Variants in FKBP9 observed in about 807,000 individuals in gnomAD.
The protein encoded by FKBP9 is peptidyl-prolyl cis-trans isomerase FKBP9.
In FKBP9, 27 loss-of-function variants were observed where a neutral mutation model predicts 55.6. The observed-to-expected ratio is 0.49, with a 90% CI of 0.36 to 0.67. The LOEUF (loss-of-function observed/expected upper bound fraction) is 0.67, where lower values mean the gene tolerates loss of function less well. Among genes scored for constraint, FKBP9 ranks in the 30% least tolerant of loss-of-function variants. The pLI, the probability that FKBP9 is intolerant of heterozygous loss-of-function variation, is 0.00. For synonymous variants in FKBP9, 267 were observed against 296.5 expected, an observed-to-expected ratio of 0.90 and a Z score of 1.02; for missense variants, 539 against 742.8, an observed-to-expected ratio of 0.73 and a Z score of 3.19.
At chr7:33,005,102 C>T in intron 9 of FKBP9, 73 bp from the exon 10 acceptor site, 2 of 1,567,148 alleles carry the variant, frequency 1.3e-6, no homozygotes, top group South Asian at 1.2e-5. Flanking sequence ...CCCCAGACTG[C>T]TCTGTTTCTG....
At position 32,996,356 on chromosome 7, in the gene FKBP9, G is replaced by A. The variant is rs759029002; in HGVS notation, c.1226+7G>A. 43 of 1,608,878 alleles carry A rather than the reference G, an allele frequency of 2.7e-5. No individual in the cohort carries two copies. The highest frequency in any genetic ancestry group is 3.5e-5 in the Non-Finnish European group (41 of 1,176,152). On this transcript the variant is annotated splice_region_variant and intron_variant, in intron 7 of 9. Transcript: ENST00000242209. ...GGACCCTGCTGGACTCCACGTAAGG[G>A]CAACCAGAATGGTGTGGGAGTGAGC...
intron 6 of FKBP9, among the ~76,000 whole-genome samples, chr7:32,990,430 A>G (rs879537755): frequency 3.1e-4 from 47 of 152,184 alleles, no homozygotes; most frequent in Non-Finnish European, 6.2e-4. Context: ...TCTGCCTTCC[A>G]GAATTAGGGG....
rs1475137335 is a variant in FKBP9, at chr7:32,984,006, T to C, written c.893+3453T>C. On this transcript the variant is annotated intron_variant, in intron 5 of 9. Coordinates refer to ENST00000242209, the MANE Select transcript of FKBP9 (RefSeq NM_007270.5). ...AAAACATTTTCCTCAATTTATTTGT[T>C]TGTTAATTTTGGTTATGTTGATTTT... 3.9e-5 allele frequency among the ~76,000 whole-genome samples: 6 copies of C among 152,352 alleles called. No individual in the cohort carries two copies. In the East Asian group the frequency reaches 1.2e-3, roughly 29 times the overall value.
chr7:32,995,886 A>G lies in FKBP9; in HGVS notation c.1040-277A>G, dbSNP rs546234548. ...TCAGGCTCAACGATTCCATGGGGCA[A>G]TAGTCCATAGTCTTGAATTTTAGTC... is the stretch of plus-strand genomic sequence containing the variant. On this transcript the variant is annotated intron_variant, in intron 6 of 9. Transcript: ENST00000242209. Among the ~76,000 whole-genome samples, 520 of 152,272 alleles carry G rather than the reference A, an allele frequency of 3.4e-3. 2 individuals carry two copies. The highest frequency in any genetic ancestry group is 0.012 in the African/African-American group (494 of 41,542).
In FKBP9 at chr7:32,988,608, G is replaced by T. The variant is rs780746238; in HGVS notation, c.995G>T (p.Arg332Met). Residue 332 changes from arginine (R) to methionine (M), a missense_variant, in exon 6 of 10, where the codon AGG becomes ATG. Transcript: ENST00000242209. Reference sequence around the variant, plus strand: ...GGTGTTTGCATTGGAGAAAAGCGAAGGATTGTGGTCCCGCCTCACCTGGGG... The same window carrying T: ...GGTGTTTGCATTGGAGAAAAGCGAATGATTGTGGTCCCGCCTCACCTGGGG... ...LLGVCIGEKR[R>M]IVVPPHLGYG... 1.2e-6 allele frequency: 2 copies of T among 1,613,994 alleles called. No individual in the cohort carries two copies. Among genetic ancestry groups the T allele is most frequent in the East Asian group, 4.5e-5 (2 of 44,886 alleles).
At chr7:32,992,834 C>A (rs1237840605) in intron 6 of FKBP9, 1 of 229,014 alleles carries the variant, frequency 4.4e-6, no homozygotes, top group Non-Finnish European at 8.7e-6. Context: ...AAACTTCCTA[C>A]GCACACAGAG....
At chr7:32,967,400 C>A (rs184400933) in intron 1 of FKBP9, among the ~76,000 whole-genome samples, 1 of 152,140 alleles carries the variant, frequency 6.6e-6, no homozygotes, top group Admixed American at 6.6e-5. Context: ...CTTCCTTGTC[C>A]GCTGATAACA....
chr7:32,965,828 T>TATATATATATATGTGTACAC (rs1784129461), intron 1 of FKBP9, among the ~76,000 whole-genome samples: 2 of 35,052 alleles, frequency 5.7e-5, no homozygotes, highest in African/African-American at 2.1e-4. Context: ...TATATATATA[T>TATATATATATATGTGTACAC]ATATATATAT....
rs745717239 is a variant in FKBP9, at chr7:32,973,682, G to GTTTTTTTT, written c.222-916_222-909dup. ...AGAAAATGAAATGAAGTTTTTTGTT[G>GTTTTTTTT]TTTTTTTTTTTTTTTTTTTTTTTTT... On this transcript the variant is annotated intron_variant, in intron 1 of 9. Transcript: ENST00000242209. Among the ~76,000 whole-genome samples, 7 of 64,990 alleles carry GTTTTTTTT rather than the reference G, an allele frequency of 1.1e-4. 1 individual carries two copies. The highest frequency in any genetic ancestry group is 2.4e-4 in the Admixed American group (1 of 4,234). 42.6% of individuals were successfully genotyped at this position (64,990 alleles called of 152,430 possible). A position where few individuals can be genotyped will look rare whatever the true frequency, so the allele number is the denominator to read the frequency against.
At chr7:32,996,669 C>A in intron 7 of FKBP9, among the ~76,000 whole-genome samples, 1 of 133,880 alleles carries the variant, frequency 7.5e-6, no homozygotes, top group South Asian at 2.6e-4. Context: ...TTGCTCCCTC[C>A]CTCCCTCCCT....
Position 32,957,532 on chromosome 7 carries a change from C to G in FKBP9, c.-42C>G. The G allele has an allele frequency of 7.4e-7, 1 of 1,349,958 alleles. No individual in the cohort carries two copies. The highest frequency in any genetic ancestry group is 9.5e-7 in the Non-Finnish European group (1 of 1,050,636). The allele number at this position is 1,349,958 out of a possible 1,614,324, so 83.6% of individuals were successfully genotyped here. On this transcript the variant is annotated 5_prime_UTR_variant, in exon 1 of 10. Coordinates refer to ENST00000242209, the MANE Select transcript of FKBP9 (RefSeq NM_007270.5). ...AACGCCCAGGCCGACCCGTGCCGCC[C>G]GAGCGCCGCGCTGCGTCCGCGCCAC... is the stretch of plus-strand genomic sequence containing the variant.
intron 1 of FKBP9, among the ~76,000 whole-genome samples, chr7:32,970,377 A>G (rs1172550751): frequency 6.6e-6 from 1 of 151,918 alleles, no homozygotes; most frequent in African/African-American, 2.4e-5. Context: ...TTGTATTTTT[A>G]GTAGAGACAG....
In FKBP9 at chr7:32,996,333, A is replaced by C. The variant is rs774290863; in HGVS notation, c.1210A>C (p.Thr404Pro). The part of the protein sequence containing the change: ...YHYNASLLDG[T>P]LLDSTWNLGK... Reference sequence around the variant, plus strand: ...CTACAATGCCTCACTTCTGGATGGGACCCTGCTGGACTCCACGTAAGGGCA... The same window carrying C: ...CTACAATGCCTCACTTCTGGATGGGCCCCTGCTGGACTCCACGTAAGGGCA... Residue 404 changes from threonine (T) to proline (P), a missense_variant, in exon 7 of 10, where the codon ACC (threonine) becomes CCC (proline). Physicochemically the swap from Thr to Pro is conservative, Grantham distance 38. Around this residue, in one of 4 missense-constraint regions of FKBP9, gnomAD observed 172 missense variants for 205.3 expected, o/e 0.84. Transcript: ENST00000242209. The C allele has an allele frequency of 4.5e-5, 73 of 1,612,932 alleles. No homozygotes were observed. The highest frequency in any genetic ancestry group is 3.7e-5 in the Non-Finnish European group (44 of 1,179,332).
intron 7 of FKBP9, among the ~76,000 whole-genome samples, chr7:32,997,258 G>C (rs986479928): frequency 3.9e-5 from 6 of 152,158 alleles, no homozygotes; most frequent in Non-Finnish European, 7.4e-5. Flanking sequence ...TTTTAGCAGA[G>C]AGAAGGTTTT....
intron 7 of FKBP9, among the ~76,000 whole-genome samples, chr7:32,997,835 AAAG>A (rs748374172): frequency 7.8e-4 from 118 of 152,232 alleles, no homozygotes; most frequent in Non-Finnish European, 1.4e-3. Context: ...CTCCAAAAAG[AAAG>A]AAAAAGAAAA....
At chr7:32,965,013 G>A (rs1343288953) in intron 1 of FKBP9, among the ~76,000 whole-genome samples, 2 of 152,274 alleles carry the variant, frequency 1.3e-5, no homozygotes, top group African/African-American at 4.8e-5. Flanking sequence ...TCAGCCATCT[G>A]AGTTGGCCCA....
At chr7:32,996,664 C>CCTTCCTT (rs1562574972) in intron 7 of FKBP9, among the ~76,000 whole-genome samples, 2 of 81,368 alleles carry the variant, frequency 2.5e-5, no homozygotes, top group African/African-American at 1.2e-4. Flanking sequence ...CTTCCTTGCT[C>CCTTCCTT]CCTCCCTCCC....
At chr7:33,000,820 A>C (rs576050391) in intron 8 of FKBP9, among the ~76,000 whole-genome samples, 1 of 151,664 alleles carries the variant, frequency 6.6e-6, no homozygotes, top group Non-Finnish European at 1.5e-5. Context: ...TCACTCTGTC[A>C]CCCAGGCTGG....
At position 33,002,676 on chromosome 7, in the gene FKBP9, A is replaced by T. The variant is rs146370251; in HGVS notation, c.1373A>T (p.Asp458Val). Residue 458 changes from aspartate (D) to valine (V), a missense_variant and splice_region_variant, in exon 9 of 10, where the codon GAT becomes GTT. Asp to Val is a radical substitution (Grantham distance 152). Transcript: ENST00000242209. ...PHLGYGEAGV[D>V]GEVPGSAVLV... Reference sequence around the variant, plus strand: ...CCTCCCGCTCCTGTCACCTGGACAGATGGAGAAGTGCCCGGCAGTGCCGTA... The same window carrying T: ...CCTCCCGCTCCTGTCACCTGGACAGTTGGAGAAGTGCCCGGCAGTGCCGTA... 1.2e-6 allele frequency: 2 copies of T among 1,613,390 alleles called. No homozygotes were observed. Among genetic ancestry groups the T allele is most frequent in the African/African-American group, 2.7e-5 (2 of 74,922 alleles).
Sources: gnomAD v4.1 joint callset for allele counts (sites outside exome capture counted in the v4.1 genomes callset) on GRCh38, gnomAD v4.1.1 for gene constraint, gnomAD v4.1.1 regional missense constraint, MANE v1.5 for transcripts, NCBI Gene and HGNC (gene_info 2026-07-23, HGNC 2026-07-21) for gene names.